The following SCFD2 variants were observed in gnomAD, a reference collection of about 807,000 sequenced individuals.
SCFD2 encodes sec1 family domain containing 2, also known as sec1 family domain-containing protein 2.
Under a neutral mutation model 58.9 loss-of-function variants are expected in SCFD2, and 54 were observed. The observed-to-expected ratio is 0.92, with a 90% CI of 0.74 to 1.15. The LOEUF is 1.15. SCFD2 is among the 50% of genes most tolerant of loss of function. The probability of loss-of-function intolerance (pLI) is 0.00; values close to 1 mark genes in which losing one functional copy is unlikely to be tolerated. For synonymous variants in SCFD2, 321 were observed against 335.9 expected (o/e 0.96, Z 0.49); for missense variants, 805 against 836.6 (o/e 0.96, Z 0.47).
At chr4:52,894,232 A>G (rs1035075654) in intron 7 of SCFD2, among the ~76,000 whole-genome samples, 32 of 152,334 alleles carry the variant, frequency 2.1e-4, no homozygotes, top group African/African-American at 7.7e-4. Flanking sequence ...TGAAAGAACA[A>G]AAAAAGAACT....
At chr4:52,976,978 T>C (rs747387300) in intron 5 of SCFD2, among the ~76,000 whole-genome samples, 7 of 152,142 alleles carry the variant, frequency 4.6e-5, no homozygotes, top group Non-Finnish European at 1.0e-4. Context: ...TGTAAGGCTG[T>C]TGGAGGATTT....
At chr4:53,072,109 T>C (rs1723832451) in intron 5 of SCFD2, among the ~76,000 whole-genome samples, 1 of 152,042 alleles carries the variant, frequency 6.6e-6, no homozygotes, top group South Asian at 2.1e-4. Context: ...TGGTGGATGA[T>C]ATGAGTCCAG....
At chr4:53,072,445 G>A (rs776807035) in intron 5 of SCFD2, among the ~76,000 whole-genome samples, 2 of 152,108 alleles carry the variant, frequency 1.3e-5, no homozygotes, top group Admixed American at 6.6e-5. Flanking sequence ...CAACAGAAAC[G>A]GGCTACCTGG....
rs1458802193 is a variant in SCFD2, at chr4:53,036,290, C to T, written c.1561+109043G>A. On this transcript the variant is annotated intron_variant, in intron 5 of 8. Transcript: ENST00000401642. ...TGTTCTCATTACTCATTCCCACTTA[C>T]GTGTGACAACATGTAGTGTTTGGTA... Among the ~76,000 whole-genome samples, 3 of 151,544 alleles carry T rather than the reference C, an allele frequency of 2.0e-5. No individual in the cohort carries two copies. In the East Asian group the frequency reaches 5.9e-4, roughly 30 times the overall value.
chr4:53,057,655 T>C (rs1441342684), intron 5 of SCFD2, among the ~76,000 whole-genome samples: 3 of 152,076 alleles, frequency 2.0e-5, no homozygotes, highest in Admixed American at 1.3e-4. Flanking sequence ...ATTCTGCACA[T>C]GTATCCCATT....
rs555772218 is a variant in SCFD2 at position 52,964,416 on chromosome 4, A to C, written c.1562-43546T>G. Among the ~76,000 whole-genome samples the C allele has an allele frequency of 4.7e-3, 710 of 152,310 alleles. 8 individuals carry two copies. The highest frequency in any genetic ancestry group is 0.016 in the African/African-American group (683 of 41,556). ...TTTAGCCAACAGGTCCAACTTTTCC[A>C]AAATAGGAAAAGGATATTTTACTAT... On this transcript the variant is annotated intron_variant, in intron 5 of 8. Coordinates refer to ENST00000401642, the MANE Select transcript of SCFD2 (RefSeq NM_152540.4).
intron 4 of SCFD2, among the ~76,000 whole-genome samples, chr4:53,266,585 C>T (rs1240603873): frequency 6.6e-6 from 1 of 152,332 alleles, no homozygotes; most frequent in East Asian, 1.9e-4. Flanking sequence ...ATACTTTACA[C>T]CATTTCACCA....
intron 5 of SCFD2, among the ~76,000 whole-genome samples, chr4:52,975,908 C>G (rs1377325877): frequency 6.6e-6 from 1 of 151,250 alleles, no homozygotes; most frequent in Admixed American, 6.6e-5. Context: ...TCATTCTCAG[C>G]AAACTATCGC....
intron 5 of SCFD2, among the ~76,000 whole-genome samples, chr4:53,100,263 T>A (rs1398730877): frequency 4.6e-5 from 7 of 152,184 alleles, no homozygotes; most frequent in African/African-American, 7.2e-5. Flanking sequence ...CAATGTAGGA[T>A]AATAATAGCA....
At chr4:53,000,884 T>C (rs1721849125) in intron 5 of SCFD2, among the ~76,000 whole-genome samples, 1 of 152,142 alleles carries the variant, frequency 6.6e-6, no homozygotes, top group Non-Finnish European at 1.5e-5. Context: ...ACGGCCTGGT[T>C]CCTAAGAGGC....
chr4:53,003,644 C>T (rs1315400217), intron 5 of SCFD2, among the ~76,000 whole-genome samples: 1 of 152,158 alleles, frequency 6.6e-6, no homozygotes, highest in Non-Finnish European at 1.5e-5. Flanking sequence ...TGTCCCTGTA[C>T]AGAAATTGCA....
chr4:52,932,046 G>A (rs1261811927), intron 5 of SCFD2, among the ~76,000 whole-genome samples: 2 of 152,164 alleles, frequency 1.3e-5, no homozygotes, highest in African/African-American at 4.8e-5. Context: ...GATGACATCA[G>A]GTACACTATT....
chr4:53,136,500 T>C (rs1725947313), intron 5 of SCFD2, among the ~76,000 whole-genome samples: 1 of 152,152 alleles, frequency 6.6e-6, no homozygotes. Context: ...AAGGAAAGAA[T>C]TGTCATGGAA....
chr4:53,313,634 AC>A lies in SCFD2; in HGVS notation c.1135+1del, dbSNP rs766857456. 1.9e-6 allele frequency: 3 copies of A among 1,613,896 alleles called. No homozygotes were observed. The highest frequency in any genetic ancestry group is 2.2e-5 in the South Asian group (2 of 91,070). ...CTGCCTGTGTCCTAGGTTTAGGCTT[AC>A]CCATACTCATCTTGATTGGCAGGTT... On this transcript the variant is annotated splice_donor_variant, in intron 3 of 8. Transcript: ENST00000401642. LOFTEE classifies it high-confidence loss of function.
At chr4:53,287,737 C>T (rs945189491) in intron 3 of SCFD2, among the ~76,000 whole-genome samples, 28 of 151,632 alleles carry the variant, frequency 1.8e-4, no homozygotes, top group African/African-American at 6.5e-4. Context: ...ATAATTGACT[C>T]CAAAAAAATG....
intron 3 of SCFD2, 142 bp downstream of exon 3, chr4:53,313,494 A>C: frequency 2.3e-6 from 2 of 856,078 alleles, no homozygotes; most frequent in Non-Finnish European, 3.6e-6. Flanking sequence ...GCGTGCACAT[A>C]TTCCTTCCCT....
chr4:53,193,371 C>T (rs1727970738), intron 4 of SCFD2, among the ~76,000 whole-genome samples: 1 of 152,102 alleles, frequency 6.6e-6, no homozygotes, highest in Non-Finnish European at 1.5e-5. Context: ...AACAGGTCTA[C>T]AGAATACAAG....
chr4:53,222,080 C>T (rs1223493469), intron 4 of SCFD2, among the ~76,000 whole-genome samples: 1 of 152,214 alleles, frequency 6.6e-6, no homozygotes, highest in East Asian at 1.9e-4. Flanking sequence ...TTCACAACAT[C>T]GGCTAACACT....
intron 5 of SCFD2, among the ~76,000 whole-genome samples, chr4:53,031,728 A>T (rs1722619834): frequency 6.6e-6 from 1 of 152,214 alleles, no homozygotes; most frequent in African/African-American, 2.4e-5. Context: ...TTAAGACAAG[A>T]TTAGAGAAAA....
Sources: gnomAD v4.1 joint callset for allele counts (sites outside exome capture counted in the v4.1 genomes callset) on GRCh38, gnomAD v4.1.1 for gene constraint, MANE v1.5 for transcripts, NCBI Gene and HGNC (gene_info 2026-07-23, HGNC 2026-07-21) for gene names.